Variants in DFFB observed in about 807,000 individuals in gnomAD.
DFFB encodes DNA fragmentation factor subunit beta, also known as DNA fragmentation factor 40 kDa subunit.
Under a neutral mutation model 32.7 loss-of-function variants are expected in DFFB, and 29 were observed. The observed-to-expected ratio is 0.89, with a 90% CI of 0.66 to 1.21. The LOEUF (loss-of-function observed/expected upper bound fraction) is 1.21, where lower values mean the gene tolerates loss of function less well. DFFB is among the 50% of genes most tolerant of loss of function. DFFB has a pLI of 0.00. For synonymous variants in DFFB, 170 were observed against 177.1 expected (o/e 0.96, Z 0.32); for missense variants, 398 against 440.6 (o/e 0.90, Z 0.87).
At chr1:3,880,762 C>G (rs1050614569) in intron 6 of DFFB, among the ~76,000 whole-genome samples, 1 of 152,162 alleles carries the variant, frequency 6.6e-6, no homozygotes, top group South Asian at 2.1e-4. Flanking sequence ...GGGCCTGGAG[C>G]TTGCTTTAGT....
chr1:3,872,614 G>GGGCCCTGTCCCTGCAGC (rs1557721225), intron 6 of DFFB, 42 bp downstream of exon 6: 2 of 959,700 alleles, frequency 2.1e-6, no homozygotes, highest in South Asian at 1.4e-5. Context: ...AGTGCCTGCA[G>GGGCCCTGTCCCTGCAGC]GGCCCTGTCC....
At chr1:3,877,209 C>A (rs1248856926) in intron 6 of DFFB, among the ~76,000 whole-genome samples, 1 of 150,826 alleles carries the variant, frequency 6.6e-6, no homozygotes, top group Non-Finnish European at 1.5e-5. Flanking sequence ...AAAATTTATT[C>A]CTACCTTCTA....
At position 3,857,501 on chromosome 1, in the gene DFFB, C is replaced by T; in HGVS notation, c.-103C>T. ...ACCCGGCCTGTGCCAGCTTGCAGAG[C>T]TCACCAGGTGCAGACCCCTGCGGCC... On this transcript the variant is annotated 5_prime_UTR_variant, in exon 1 of 7. Transcript: ENST00000378209. 1 of 752,274 alleles carries T rather than the reference C, an allele frequency of 1.3e-6. No individual in the cohort carries two copies. 46.6% of individuals were successfully genotyped at this position (752,274 alleles called of 1,614,324 possible).
At chr1:3,882,062 C>A (rs536548862) in intron 6 of DFFB, among the ~76,000 whole-genome samples, 1 of 151,880 alleles carries the variant, frequency 6.6e-6, no homozygotes, top group Non-Finnish European at 1.5e-5. Context: ...TATGTGTGTG[C>A]GTGTGTGTTT....
At chr1:3,879,408 G>A (rs563117846) in intron 6 of DFFB, among the ~76,000 whole-genome samples, 6 of 152,124 alleles carry the variant, frequency 3.9e-5, no homozygotes, top group African/African-American at 9.7e-5. Flanking sequence ...CCCAAGATTC[G>A]TATGTTGAAA....
At chr1:3,862,147 A>G (rs1644890729) in intron 2 of DFFB, among the ~76,000 whole-genome samples, 1 of 152,224 alleles carries the variant, frequency 6.6e-6, no homozygotes, top group Admixed American at 6.5e-5. Flanking sequence ...AATACTTAGG[A>G]TAAGTGTAAC....
Position 3,858,752 on chromosome 1 carries a change from A to G in DFFB, c.149A>G (p.Glu50Gly), listed in dbSNP as rs528823646. 137 of 1,614,170 alleles carry G rather than the reference A, an allele frequency of 8.5e-5. No homozygotes were observed. The South Asian group carries it at 1.4e-3, about 17-fold the overall frequency. The stretch of plus-strand genomic sequence containing the variant: ...CGCGGTTCCCGGCTGTGCCTGTACG[A>G]GGATGGCACGGAGCTGACGGAAGAT... The part of the protein sequence containing the change: ...PERGSRLCLY[E>G]DGTELTEDYF... The change falls in exon 2 of 7, where the codon GAG (glutamate) becomes GGG (glycine). Residue 50 changes from glutamate (E) to glycine (G), a missense_variant. Physicochemically the swap from Glu to Gly is moderately conservative, Grantham distance 98. Transcript: ENST00000378209.
chr1:3,883,615 G>T lies in DFFB; in HGVS notation c.891G>T (p.Glu297Asp). 6.2e-7 allele frequency: 1 copy of T among 1,614,124 alleles called. No individual in the cohort carries two copies. Among genetic ancestry groups the T allele is most frequent in the Non-Finnish European group, 8.5e-7 (1 of 1,180,024 alleles). Residue 297 changes from glutamate to aspartate, a missense_variant, in exon 7 of 7, where the codon GAG becomes GAT. Transcript: ENST00000378209. ...EYFYGLLFTSENLKLVHIVCH... is the reference protein window; with the variant it reads ...EYFYGLLFTSDNLKLVHIVCH... ...TTTATGGCCTGCTTTTTACCTCAGA[G>T]AACCTAAAACTAGTGCACATTGTCT...
At chr1:3,878,701 C>A (rs1645275351) in intron 6 of DFFB, among the ~76,000 whole-genome samples, 1 of 152,178 alleles carries the variant, frequency 6.6e-6, no homozygotes, top group Admixed American at 6.5e-5. Flanking sequence ...CTCTCCCGGG[C>A]CGGCCTCGCT....
chr1:3,878,182 TGCTGTGTC>T (rs1310041158), intron 6 of DFFB, among the ~76,000 whole-genome samples: 2 of 151,614 alleles, frequency 1.3e-5, no homozygotes, highest in Non-Finnish European at 2.9e-5. Context: ...GACGGAGTCT[TGCTGTGTC>T]GCCCGGGCTG....
chr1:3,859,206 C>G (rs563015304), intron 2 of DFFB, among the ~76,000 whole-genome samples: 1 of 152,250 alleles, frequency 6.6e-6, no homozygotes, highest in South Asian at 2.1e-4. Flanking sequence ...CTGTTCTGTT[C>G]TGCTGGGCTG....
At chr1:3,874,331 TGG>T (rs1557723369) in intron 6 of DFFB, among the ~76,000 whole-genome samples, 1,505 of 41,274 alleles carry the variant, frequency 0.036, 25 homozygotes, top group South Asian at 0.061. Context: ...ACATACGTGG[TGG>T]CCCACGCTGT....
At chr1:3,869,313 G>T (rs555653525) in intron 4 of DFFB, among the ~76,000 whole-genome samples, 2 of 152,144 alleles carry the variant, frequency 1.3e-5, no homozygotes, top group African/African-American at 4.8e-5. Context: ...CGCCCACCTC[G>T]GCCTCCCAGA....
intron 4 of DFFB, 81 bp downstream of exon 4, chr1:3,868,134 C>T (rs1020166899): frequency 2.6e-5 from 33 of 1,269,338 alleles, no homozygotes; most frequent in African/African-American, 1.2e-4. Flanking sequence ...GTGGTCCTCA[C>T]GATGGGTAGT....
At position 3,878,983 on chromosome 1, in the gene DFFB, TTTAG is replaced by T. The variant is rs1421623506; in HGVS notation, c.783-4518_783-4515del. 2.0e-5 allele frequency among the ~76,000 whole-genome samples: 3 copies of T among 152,208 alleles called. No individual in the cohort carries two copies. In the East Asian group the frequency reaches 5.8e-4, roughly 29 times the overall value. On this transcript the variant is annotated intron_variant, in intron 6 of 6. Transcript: ENST00000378209. ...TTCAACTTCCACTCTTGAGTAATTA[TTTAG>T]TTAGTACTGAATTCTAGGATGACAG...
At chr1:3,875,193 C>G (rs1034626151) in intron 6 of DFFB, among the ~76,000 whole-genome samples, 2 of 152,222 alleles carry the variant, frequency 1.3e-5, no homozygotes, top group African/African-American at 4.8e-5. Context: ...AATTTCTCAT[C>G]ATTATAAAAA....
chr1:3,880,346 T>C (rs1441445175), intron 6 of DFFB, among the ~76,000 whole-genome samples: 2 of 152,240 alleles, frequency 1.3e-5, no homozygotes, highest in Admixed American at 1.3e-4. Context: ...TCTGTGCCTC[T>C]TAACCTTGGC....
chr1:3,871,881 G>C (rs930031587), intron 5 of DFFB, among the ~76,000 whole-genome samples: 1 of 152,178 alleles, frequency 6.6e-6, no homozygotes, highest in Admixed American at 6.5e-5. Flanking sequence ...CACGTGCGGG[G>C]AGCAGGAACG....
At chr1:3,863,088 G>T (rs1295652776) in intron 2 of DFFB, among the ~76,000 whole-genome samples, 2 of 152,228 alleles carry the variant, frequency 1.3e-5, no homozygotes, top group East Asian at 3.8e-4. Context: ...GGTGGAGGCT[G>T]CAGTGAACGA....
Sources: gnomAD v4.1 joint callset for allele counts (sites outside exome capture counted in the v4.1 genomes callset) on GRCh38, gnomAD v4.1.1 for gene constraint, MANE v1.5 for transcripts, NCBI Gene and HGNC (gene_info 2026-07-23, HGNC 2026-07-21) for gene names.